Variants in MTHFD1 observed in about 807,000 individuals in gnomAD.
MTHFD1 encodes the protein C-1-tetrahydrofolate synthase, cytoplasmic.
In MTHFD1, 44 loss-of-function variants were observed where a neutral mutation model predicts 110.3. That is an observed-to-expected ratio of 0.40 (90% CI 0.31 to 0.51). The LOEUF (loss-of-function observed/expected upper bound fraction) is 0.51. MTHFD1 is among the 20% of genes least tolerant of loss of function. MTHFD1 has a pLI of 0.60. For synonymous variants in MTHFD1, 402 were observed against 428.8 expected (o/e 0.94, Z 0.77); for missense variants, 909 against 1,173.1 (o/e 0.77, Z 3.29).
intron 26 of MTHFD1, among the ~76,000 whole-genome samples, chr14:64,456,287 C>G (rs141580387): frequency 6.6e-6 from 1 of 152,200 alleles, no homozygotes; most frequent in Non-Finnish European, 1.5e-5. Context: ...CGTTTCCACA[C>G]ATGATCAAAT....
At chr14:64,447,329 T>C (rs2078298718) in intron 22 of MTHFD1, among the ~76,000 whole-genome samples, 2 of 151,788 alleles carry the variant, frequency 1.3e-5, no homozygotes. Context: ...TTAATTTTTA[T>C]ATTTTTAATA....
chr14:64,411,286 CAG>C lies in MTHFD1; in HGVS notation c.186+139_186+140del, dbSNP rs977643365. On this transcript the variant is annotated intron_variant, in intron 3 of 27. Coordinates refer to ENST00000652337, the MANE Select transcript of MTHFD1 (RefSeq NM_005956.4). ...ACATTAGTTTATCTATTTTGTAAGT[CAG>C]AAATGGGTGGGTTAGATCTGTGGCC... The C allele has an allele frequency of 8.4e-6, 6 of 716,060 alleles. No homozygotes were observed. The African/African-American group carries it at 1.1e-4, about 13-fold the overall frequency. The allele number at this position is 716,060 out of a possible 1,614,324, so 44.4% of individuals were successfully genotyped here.
At chr14:64,431,266 A>G (rs2140968059) in intron 13 of MTHFD1, among the ~76,000 whole-genome samples, 1 of 151,738 alleles carries the variant, frequency 6.6e-6, no homozygotes, top group South Asian at 2.1e-4. Context: ...GGGTTTCGCC[A>G]TGTTGCCCAG....
At chr14:64,455,940 T>C (rs1342542081) in intron 26 of MTHFD1, among the ~76,000 whole-genome samples, 1 of 152,366 alleles carries the variant, frequency 6.6e-6, no homozygotes, top group East Asian at 1.9e-4. Flanking sequence ...CTTGCTATGA[T>C]GTACATCAGT....
In MTHFD1 at chr14:64,425,459, C is replaced by T. The variant is rs60441024; in HGVS notation, c.856-271C>T. ...CTCCCGACCTCAGGTGATCCGCCCA[C>T]CTTGGCCTTCCAAAGTGCTGGGATT... On this transcript the variant is annotated intron_variant, in intron 9 of 27. Coordinates refer to ENST00000652337, the MANE Select transcript of MTHFD1 (RefSeq NM_005956.4). Among the ~76,000 whole-genome samples the T allele has an allele frequency of 6.0e-4, 92 of 152,254 alleles. 3 individuals carry two copies. In the East Asian group the frequency reaches 0.016, roughly 26 times the overall value.
intron 2 of MTHFD1, among the ~76,000 whole-genome samples, chr14:64,410,222 CTTTTT>C (rs1185085662): frequency 6.7e-6 from 1 of 149,156 alleles, no homozygotes; most frequent in African/African-American, 2.5e-5. Context: ...CTGTCTCTCT[CTTTTT>C]TTTTTAAGAG....
At position 64,430,235 on chromosome 14, in the gene MTHFD1, AG is replaced by A. The variant is rs753687522; in HGVS notation, c.1311+6del. The A allele has an allele frequency of 6.2e-7, 1 of 1,613,178 alleles. No individual in the cohort carries two copies. Among genetic ancestry groups the A allele is most frequent in the African/African-American group, 1.3e-5 (1 of 74,878 alleles). ...CAGGTCATTCCTATGGAAGAGGTAA[AG>A]TATTCTGGGATTTGGCTGAATTAGA... is the stretch of plus-strand genomic sequence containing the variant. On this transcript the variant is annotated splice_donor_region_variant and intron_variant, in intron 13 of 27. Coordinates refer to ENST00000652337, the MANE Select transcript of MTHFD1 (RefSeq NM_005956.4).
chr14:64,410,562 C>T (rs1288220861), intron 2 of MTHFD1, among the ~76,000 whole-genome samples: 1 of 152,174 alleles, frequency 6.6e-6, no homozygotes, highest in African/African-American at 2.4e-5. Flanking sequence ...TGCCCTTTGT[C>T]TTGCCTGGCT....
At chr14:64,396,446 C>T (rs1278002846) in intron 1 of MTHFD1, among the ~76,000 whole-genome samples, 1 of 138,646 alleles carries the variant, frequency 7.2e-6, no homozygotes, top group Non-Finnish European at 1.5e-5. Flanking sequence ...GGCTGGAGTG[C>T]AATGGCGCGA....
chr14:64,453,636 A>G, intron 24 of MTHFD1, 118 bp from the exon 25 acceptor site: 1 of 706,628 alleles, frequency 1.4e-6, no homozygotes, highest in African/African-American at 1.8e-5. Context: ...ATGTATATGT[A>G]TATAAAAACC....
In MTHFD1 at chr14:64,442,327, T is replaced by C; in HGVS notation, c.2061T>C (p.Tyr687=). 1.2e-6 allele frequency: 2 copies of C among 1,614,244 alleles called. No individual in the cohort carries two copies. The highest frequency in any genetic ancestry group is 1.7e-6 in the Non-Finnish European group (2 of 1,180,028). Residue 687 remains tyrosine, a synonymous_variant, in exon 21 of 28, where the codon TAT becomes TAC. Coordinates refer to ENST00000652337, the MANE Select transcript of MTHFD1 (RefSeq NM_005956.4). ...MEKFFNIKCR[Y]SGLCPHVVVL... The stretch of plus-strand genomic sequence containing the variant: ...AGTTTTTTAACATCAAATGCCGGTA[T>C]TCCGGCCTCTGCCCCCACGTGGTGG...
intron 22 of MTHFD1, among the ~76,000 whole-genome samples, chr14:64,446,102 A>G (rs554054617): frequency 2.6e-5 from 4 of 152,172 alleles, no homozygotes; most frequent in Admixed American, 6.5e-5. Context: ...AAAATATTTA[A>G]TGTATTGTTA....
At chr14:64,401,963 TG>T (rs1212570626) in intron 2 of MTHFD1, among the ~76,000 whole-genome samples, 1 of 152,214 alleles carries the variant, frequency 6.6e-6, no homozygotes, top group Admixed American at 6.6e-5. Context: ...TTGAAATATA[TG>T]GAGAAAATTT....
chr14:64,414,292 T>C (rs1220126376), intron 4 of MTHFD1, among the ~76,000 whole-genome samples: 23 of 5,042 alleles, frequency 4.6e-3, no homozygotes, highest in Admixed American at 6.3e-3. Context: ...CCCGCTTTTT[T>C]TTTTTTTTTT....
At chr14:64,453,934 C>G (rs1169335042) in intron 25 of MTHFD1, 73 bp downstream of exon 25, 1 of 914,454 alleles carries the variant, frequency 1.1e-6, no homozygotes, top group Non-Finnish European at 1.8e-6. Context: ...CTGGGTCCTC[C>G]CAGCCCTGCC....
chr14:64,449,191 T>G (rs965807798), intron 23 of MTHFD1: 16 of 538,720 alleles, frequency 3.0e-5, no homozygotes, highest in African/African-American at 2.9e-4. Flanking sequence ...CTGAGTCTCA[T>G]AACGTCCCAA....
chr14:64,402,979 A>G (rs957633128), intron 2 of MTHFD1, among the ~76,000 whole-genome samples: 7 of 152,002 alleles, frequency 4.6e-5, no homozygotes, highest in Non-Finnish European at 8.8e-5. Flanking sequence ...TATATTTTTT[A>G]CTTTTTTGGG....
In MTHFD1 at chr14:64,440,324, T is replaced by A. The variant is rs767487659; in HGVS notation, c.1815+58T>A. The A allele has an allele frequency of 1.9e-6, 3 of 1,599,676 alleles. No individual in the cohort carries two copies. In the South Asian group the frequency reaches 3.3e-5, roughly 18 times the overall value. Reference sequence around the variant, plus strand: ...TATCTGTGTCTGTTGTCCTAGGGTCTTTCAGCAGTTATTAATAACAAAATG... The same window carrying A: ...TATCTGTGTCTGTTGTCCTAGGGTCATTCAGCAGTTATTAATAACAAAATG... On this transcript the variant is annotated intron_variant, in intron 18 of 27. Coordinates refer to ENST00000652337, the MANE Select transcript of MTHFD1 (RefSeq NM_005956.4).
At chr14:64,451,425 T>G (rs1229215123) in intron 24 of MTHFD1, among the ~76,000 whole-genome samples, 1 of 152,254 alleles carries the variant, frequency 6.6e-6, no homozygotes, top group East Asian at 1.9e-4. Context: ...CTTATTTCTC[T>G]TTGCCCCTTG....
Sources: allele counts gnomAD v4.1 joint callset (sites outside exome capture counted in the v4.1 genomes callset), GRCh38; gene constraint gnomAD v4.1.1; transcripts MANE v1.5; gene names NCBI Gene and HGNC (gene_info 2026-07-23, HGNC 2026-07-21).